Variants in CCSER1 observed in about 807,000 individuals in gnomAD.
CCSER1 encodes coiled-coil serine rich protein 1, also known as serine-rich coiled-coil domain-containing protein 1.
Under a neutral mutation model 82.0 loss-of-function variants are expected in CCSER1, and 41 were observed. The ratio of observed to expected loss-of-function variants is 0.50; its 90% CI spans 0.39 to 0.65. CCSER1 has a LOEUF of 0.65. CCSER1 is among the 30% of genes least tolerant of loss of function. The pLI is 0.00. For synonymous variants in CCSER1, 414 were observed against 383.9 expected (o/e 1.08, Z -0.92); for missense variants, 1,119 against 1,064.2 (o/e 1.05, Z -0.72).
chr4:91,543,376 G>T (rs982789633), intron 10 of CCSER1, among the ~76,000 whole-genome samples: 1 of 152,116 alleles, frequency 6.6e-6, no homozygotes, highest in Non-Finnish European at 1.5e-5. Flanking sequence ...CTTGTTAGTT[G>T]ATGCAGTTTC....
chr4:91,101,661 C>G (rs1195823385), intron 10 of CCSER1, among the ~76,000 whole-genome samples: 1 of 151,136 alleles, frequency 6.6e-6, no homozygotes, highest in Non-Finnish European at 1.5e-5. Context: ...GGTTGGGGGC[C>G]TGACAAACCC....
At chr4:91,320,337 C>G (rs1746111566) in intron 10 of CCSER1, among the ~76,000 whole-genome samples, 1 of 151,990 alleles carries the variant, frequency 6.6e-6, no homozygotes, top group Admixed American at 6.6e-5. Context: ...GCAGTCACAT[C>G]TTAAACTGCC....
chr4:90,602,478 A>G (rs1784141554), intron 5 of CCSER1, among the ~76,000 whole-genome samples: 1 of 152,168 alleles, frequency 6.6e-6, no homozygotes, highest in African/African-American at 2.4e-5. Context: ...TGTGCCTTCA[A>G]GATGGGCTGT....
intron 5 of CCSER1, 27 bp downstream of exon 5, chr4:90,468,381 G>A (rs200354959): frequency 2.5e-6 from 4 of 1,585,222 alleles, no homozygotes; most frequent in East Asian, 4.5e-5. Flanking sequence ...ATTTTTCAAG[G>A]CCTTGTAAAA....
chr4:90,610,252 C>CAAATAAATAAAT (rs201777020), intron 5 of CCSER1, among the ~76,000 whole-genome samples: 7 of 135,966 alleles, frequency 5.1e-5, no homozygotes, highest in Non-Finnish European at 7.8e-5. Context: ...GACTCCATCT[C>CAAATAAATAAAT]AAATAAATAA....
At chr4:91,191,971 C>A (rs1409703137) in intron 10 of CCSER1, among the ~76,000 whole-genome samples, 1 of 152,164 alleles carries the variant, frequency 6.6e-6, no homozygotes, top group African/African-American at 2.4e-5. Context: ...CATCTCCTCT[C>A]CTTCTGTTCT....
At chr4:90,583,870 T>A (rs941750563) in intron 5 of CCSER1, among the ~76,000 whole-genome samples, 1 of 152,128 alleles carries the variant, frequency 6.6e-6, no homozygotes, top group Non-Finnish European at 1.5e-5. Context: ...AGGGATAAAA[T>A]GTAATTCATG....
At chr4:90,176,904 C>A (rs1241376313) in intron 1 of CCSER1, among the ~76,000 whole-genome samples, 1 of 152,038 alleles carries the variant, frequency 6.6e-6, no homozygotes, top group Non-Finnish European at 1.5e-5. Context: ...TGTTGCAAGT[C>A]ATATTCCCCT....
intron 10 of CCSER1, among the ~76,000 whole-genome samples, chr4:91,432,988 G>A (rs1754418031): frequency 6.6e-6 from 1 of 152,014 alleles, no homozygotes; most frequent in Non-Finnish European, 1.5e-5. Flanking sequence ...ATACCTCCCT[G>A]CCCAGAGAGG....
Position 90,826,960 on chromosome 4 carries a change from G to A in CCSER1, c.2094+11115G>A, listed in dbSNP as rs1478323811. Among the ~76,000 whole-genome samples, 3 of 152,078 alleles carry A rather than the reference G, an allele frequency of 2.0e-5. No homozygotes were observed. The South Asian group carries it at 6.2e-4, about 31-fold the overall frequency. ...CCCCAGAAGTGGGGGGTCTTTCCCC[G>A]TTCAGTGTTACAAAGCCATTATGTG... On this transcript the variant is annotated intron_variant, in intron 8 of 10. Coordinates refer to ENST00000509176, the MANE Select transcript of CCSER1 (RefSeq NM_001145065.2).
chr4:90,408,104 C>T (rs1278666936), intron 4 of CCSER1, among the ~76,000 whole-genome samples: 1 of 152,196 alleles, frequency 6.6e-6, no homozygotes, highest in East Asian at 1.9e-4. Flanking sequence ...CCCGCCATTG[C>T]CCAGGCTTGA....
intron 10 of CCSER1, among the ~76,000 whole-genome samples, chr4:91,281,584 G>A (rs1368258155): frequency 6.6e-6 from 1 of 152,152 alleles, no homozygotes; most frequent in African/African-American, 2.4e-5. Flanking sequence ...TAGAATGAAA[G>A]AAGTATCATG....
intron 10 of CCSER1, among the ~76,000 whole-genome samples, chr4:91,537,793 AT>A (rs1394719156): frequency 1.3e-4 from 19 of 148,582 alleles, no homozygotes; most frequent in African/African-American, 4.5e-4. Context: ...AGTACAGAGT[AT>A]ATATATTCCA....
At chr4:90,923,468 A>G in intron 9 of CCSER1, 21 bp downstream of exon 9, 2 of 1,505,846 alleles carry the variant, frequency 1.3e-6, no homozygotes, top group South Asian at 1.2e-5. Flanking sequence ...CTGTAAAACC[A>G]TTTTTAACTT....
At chr4:91,070,586 T>G (rs1242266057) in intron 9 of CCSER1, among the ~76,000 whole-genome samples, 3 of 152,176 alleles carry the variant, frequency 2.0e-5, no homozygotes, top group African/African-American at 7.2e-5. Context: ...GCCTGACATC[T>G]GCCTCCTGTG....
chr4:90,948,492 CAA>C (rs1732527877), intron 9 of CCSER1, among the ~76,000 whole-genome samples: 1 of 151,418 alleles, frequency 6.6e-6, no homozygotes, highest in Non-Finnish European at 1.5e-5. Context: ...AGGATGAAAA[CAA>C]AGATTTATAA....
At chr4:90,264,408 C>G (rs1231569952) in intron 1 of CCSER1, among the ~76,000 whole-genome samples, 1 of 152,136 alleles carries the variant, frequency 6.6e-6, no homozygotes, top group Non-Finnish European at 1.5e-5. Context: ...CAGTCTAGTA[C>G]TAACTGGGGT....
At chr4:90,528,005 A>G (rs1222183309) in intron 5 of CCSER1, among the ~76,000 whole-genome samples, 1 of 152,158 alleles carries the variant, frequency 6.6e-6, no homozygotes, top group East Asian at 1.9e-4. Flanking sequence ...TCAGTATTTG[A>G]CAGAGAAGGA....
At chr4:91,480,797 G>A (rs953168818) in intron 10 of CCSER1, among the ~76,000 whole-genome samples, 16 of 152,094 alleles carry the variant, frequency 1.1e-4, no homozygotes, top group Admixed American at 1.0e-3. Flanking sequence ...ATGATAGAAC[G>A]TGACACTTCT....
Sources: allele counts gnomAD v4.1 joint callset (sites outside exome capture counted in the v4.1 genomes callset), GRCh38; gene constraint gnomAD v4.1.1; transcripts MANE v1.5; gene names NCBI Gene and HGNC (gene_info 2026-07-23, HGNC 2026-07-21).